The following SLC25A26 variants were observed in gnomAD, a reference collection of about 807,000 sequenced individuals.
The protein encoded by SLC25A26 is solute carrier family 25 member 26.
In SLC25A26, 36 loss-of-function variants were observed where a neutral mutation model predicts 37.8. The observed-to-expected ratio is 0.95, with a 90% CI of 0.73 to 1.26. The LOEUF (loss-of-function observed/expected upper bound fraction) is 1.26, where lower values mean the gene tolerates loss of function less well. SLC25A26 is among the 50% of genes most tolerant of loss of function. The pLI is 0.00. For synonymous variants in SLC25A26, 129 were observed against 122.5 expected (o/e 1.05, Z -0.35); for missense variants, 390 against 331.1 (o/e 1.18, Z -1.38).
chr3:66,356,334 A>C (rs1270551760), intron 6 of SLC25A26, among the ~76,000 whole-genome samples: 1 of 152,192 alleles, frequency 6.6e-6, no homozygotes, highest in Admixed American at 6.5e-5. Context: ...TCGGGGAGCC[A>C]AACTACTTCA....
intron 1 of SLC25A26, among the ~76,000 whole-genome samples, chr3:66,209,898 T>TC (rs2071256377): frequency 3.9e-4 from 15 of 38,616 alleles, no homozygotes; most frequent in African/African-American, 1.3e-3. Context: ...CTCTCTCTAT[T>TC]TATATATATA....
chr3:66,142,529 CT>C (rs1358127172), intron 1 of SLC25A26, among the ~76,000 whole-genome samples: 1 of 152,150 alleles, frequency 6.6e-6, no homozygotes, highest in African/African-American at 2.4e-5. Context: ...GAAAAATGCC[CT>C]GTCTCTAAGG....
chr3:66,149,874 T>C (rs989483357), intron 1 of SLC25A26, among the ~76,000 whole-genome samples: 19 of 152,206 alleles, frequency 1.2e-4, no homozygotes, highest in Non-Finnish European at 1.5e-5. Flanking sequence ...ACTCTTGTGA[T>C]CCTTGTTTTC....
chr3:66,138,709 G>T (rs1474678289), intron 1 of SLC25A26, among the ~76,000 whole-genome samples: 1 of 152,130 alleles, frequency 6.6e-6, no homozygotes, highest in Non-Finnish European at 1.5e-5. Flanking sequence ...GTTAAGGAAG[G>T]AGGCATGGGA....
intron 1 of SLC25A26, among the ~76,000 whole-genome samples, chr3:66,181,377 T>C (rs2070702834): frequency 6.6e-6 from 1 of 152,134 alleles, no homozygotes; most frequent in Non-Finnish European, 1.5e-5. Context: ...TGTAGGAGAG[T>C]AACAATAACA....
intron 1 of SLC25A26, among the ~76,000 whole-genome samples, chr3:66,202,650 A>G (rs1356880086): frequency 6.6e-6 from 1 of 152,064 alleles, no homozygotes; most frequent in Non-Finnish European, 1.5e-5. Flanking sequence ...CAACAGCGAG[A>G]ACTCCCACAC....
At chr3:66,271,903 G>A (rs2073973567) in intron 5 of SLC25A26, among the ~76,000 whole-genome samples, 1 of 151,722 alleles carries the variant, frequency 6.6e-6, no homozygotes, top group African/African-American at 2.4e-5. Flanking sequence ...TGTTCTTTTG[G>A]GCACTAGTGT....
At chr3:66,178,651 A>T (rs1050840388) in intron 1 of SLC25A26, among the ~76,000 whole-genome samples, 2 of 152,150 alleles carry the variant, frequency 1.3e-5, no homozygotes, top group African/African-American at 4.8e-5. Flanking sequence ...TTCCCTGATA[A>T]CATTCTGTAA....
upstream of SLC25A26, among the ~76,000 whole-genome samples, chr3:66,218,853 T>A (rs979115129): frequency 6.6e-6 from 1 of 152,114 alleles, no homozygotes; most frequent in African/African-American, 2.4e-5. Context: ...CATCTTGGAA[T>A]TGGATCCTGC....
intron 1 of SLC25A26, among the ~76,000 whole-genome samples, chr3:66,197,200 C>A (rs1212210811): frequency 6.6e-6 from 1 of 151,992 alleles, no homozygotes; most frequent in East Asian, 1.9e-4. Flanking sequence ...TGTTTGCCAA[C>A]CTAAACTCAG....
chr3:66,318,181 G>A (rs1357266291), intron 5 of SLC25A26, among the ~76,000 whole-genome samples: 1 of 152,148 alleles, frequency 6.6e-6, no homozygotes, highest in Non-Finnish European at 1.5e-5. Context: ...TGCCTCGCTG[G>A]GGTTCCCAGA....
rs60891030 is a variant in SLC25A26, at chr3:66,245,250, T to TAAA, written c.300+1953_300+1955dup. ...CCGAAATCGTAAACACAGTTATGATTAAAAAAAAAAAAAAAAACAAAACCT... is the reference window on the plus strand; with the variant it reads ...CCGAAATCGTAAACACAGTTATGATTAAAAAAAAAAAAAAAAAAAACAAAACCT... On this transcript the variant is annotated intron_variant, in intron 3 of 9. Transcript: ENST00000354883. Among the ~76,000 whole-genome samples the TAAA allele has an allele frequency of 1.7e-3, 232 of 135,822 alleles. 2 individuals carry two copies. Among genetic ancestry groups the TAAA allele is most frequent in the African/African-American group, 3.3e-3 (121 of 36,990 alleles). The allele number at this position is 135,822 out of a possible 152,430, so 89.1% of individuals were successfully genotyped here. A position where few individuals can be genotyped will look rare whatever the true frequency, so the allele number is the denominator to read the frequency against.
At chr3:66,371,377 A>T in intron 9 of SLC25A26, 2 of 1,529,120 alleles carry the variant, frequency 1.3e-6, no homozygotes, top group Non-Finnish European at 1.8e-6. Context: ...GGCAGTTTTA[A>T]TCTCAGCTAT....
At chr3:66,307,537 G>T (rs1320562040) in intron 5 of SLC25A26, among the ~76,000 whole-genome samples, 2 of 152,146 alleles carry the variant, frequency 1.3e-5, no homozygotes, top group Non-Finnish European at 1.5e-5. Context: ...TTTGGCTGTT[G>T]TTGCCGTTGC....
chr3:66,239,816 CTTTTTTTTTTT>C (rs536690709), intron 2 of SLC25A26, among the ~76,000 whole-genome samples: 7 of 110,172 alleles, frequency 6.4e-5, no homozygotes, highest in Admixed American at 1.0e-4. Flanking sequence ...TCCTTTCTTT[CTTTTTTTTTTT>C]TTTTTTTTTT....
At chr3:66,262,510 T>C (rs1247309400) in intron 4 of SLC25A26, among the ~76,000 whole-genome samples, 2 of 152,238 alleles carry the variant, frequency 1.3e-5, no homozygotes, top group Non-Finnish European at 2.9e-5. Flanking sequence ...AGTACTGGAC[T>C]GATAACAGTG....
rs553459498 is a variant in SLC25A26, at chr3:66,369,752, T to C, written c.633+210T>C. 2.6e-5 allele frequency among the ~76,000 whole-genome samples: 4 copies of C among 152,318 alleles called. No individual in the cohort carries two copies. The South Asian group carries it at 6.2e-4, about 24-fold the overall frequency. On this transcript the variant is annotated intron_variant, in intron 8 of 9. Transcript: ENST00000354883. Reference sequence around the variant, plus strand: ...GTACCATTTCACAGTCATTTTCACATAGGGCTGGTAGAGCCACTGCCTGGC... The same window carrying C: ...GTACCATTTCACAGTCATTTTCACACAGGGCTGGTAGAGCCACTGCCTGGC...
chr3:66,151,351 G>A (rs573651400), intron 1 of SLC25A26, among the ~76,000 whole-genome samples: 1 of 152,246 alleles, frequency 6.6e-6, no homozygotes, highest in South Asian at 2.1e-4. Flanking sequence ...GGCAGGGAGT[G>A]GGGGAGATAA....
intron 9 of SLC25A26, chr3:66,371,250 T>G: frequency 6.5e-7 from 1 of 1,546,380 alleles, no homozygotes; most frequent in South Asian, 1.2e-5. Flanking sequence ...GTGGCCTCCC[T>G]TTGCAGAGGG....
Sources: gnomAD v4.1 joint callset for allele counts (sites outside exome capture counted in the v4.1 genomes callset) on GRCh38, gnomAD v4.1.1 for gene constraint, MANE v1.5 for transcripts, NCBI Gene and HGNC (gene_info 2026-07-23, HGNC 2026-07-21) for gene names.